The following ZNF385D variants were observed in gnomAD, a reference collection of about 807,000 sequenced individuals.
ZNF385D encodes the protein zinc finger protein 659.
Under a neutral mutation model 35.8 loss-of-function variants are expected in ZNF385D, and 15 were observed. The ratio of observed to expected loss-of-function variants is 0.42; its 90% CI spans 0.28 to 0.64. The LOEUF (loss-of-function observed/expected upper bound fraction) is 0.64, where lower values mean the gene tolerates loss of function less well. ZNF385D is among the 30% of genes least tolerant of loss of function. The probability of loss-of-function intolerance (pLI) is 0.23; values close to 1 mark genes in which losing one functional copy is unlikely to be tolerated. For missense variants in ZNF385D, 474 were observed against 494.6 expected (o/e 0.96, Z 0.39); for synonymous variants, 212 against 186.8 (o/e 1.13, Z -1.10).
At chr3:22,123,422 T>G (rs928396026) in intron 3 of ZNF385D, among the ~76,000 whole-genome samples, 3 of 152,162 alleles carry the variant, frequency 2.0e-5, no homozygotes, top group Non-Finnish European at 2.9e-5. Flanking sequence ...TATAAAATAT[T>G]TTGATACAAG....
At chr3:22,013,653 G>A (rs114073859) in intron 3 of ZNF385D, among the ~76,000 whole-genome samples, 1,800 of 152,244 alleles carry the variant, frequency 0.012, 30 homozygotes, top group African/African-American at 0.041. Context: ...GTGATTAGCT[G>A]AGAATGTCCA....
chr3:21,668,006 G>A (rs1394567054), intron 1 of ZNF385D, among the ~76,000 whole-genome samples: 1 of 152,182 alleles, frequency 6.6e-6, no homozygotes, highest in Admixed American at 6.5e-5. Context: ...CCTGTTGGAA[G>A]AGAGCAATGT....
At chr3:21,963,592 T>G (rs531705516) in intron 3 of ZNF385D, among the ~76,000 whole-genome samples, 1 of 152,168 alleles carries the variant, frequency 6.6e-6, no homozygotes, top group Non-Finnish European at 1.5e-5. Context: ...GAACAAGTTG[T>G]TTCATACTTT....
intron 2 of ZNF385D, among the ~76,000 whole-genome samples, chr3:22,276,295 A>G (rs1214914709): frequency 2.0e-5 from 3 of 152,144 alleles, no homozygotes; most frequent in Non-Finnish European, 4.4e-5. Context: ...CTCTCCTGTA[A>G]GTCTGTCCTT....
intron 3 of ZNF385D, among the ~76,000 whole-genome samples, chr3:21,801,348 G>C (rs886237605): frequency 6.6e-6 from 1 of 152,084 alleles, no homozygotes; most frequent in African/African-American, 2.4e-5. Flanking sequence ...GAATGAGTTA[G>C]GAAGTGTTAG....
chr3:21,973,900 A>G (rs564341022), intron 3 of ZNF385D, among the ~76,000 whole-genome samples: 5 of 152,122 alleles, frequency 3.3e-5, no homozygotes, highest in African/African-American at 1.2e-4. Flanking sequence ...AAACTATAAA[A>G]TATTGATGTA....
intron 2 of ZNF385D, among the ~76,000 whole-genome samples, chr3:22,170,222 C>T (rs1694318999): frequency 6.6e-6 from 1 of 152,150 alleles, no homozygotes; most frequent in Admixed American, 6.6e-5. Flanking sequence ...TGCTATGTGA[C>T]AGCGTCCTCC....
intron 1 of ZNF385D, among the ~76,000 whole-genome samples, chr3:21,725,552 C>T (rs1006468052): frequency 2.0e-5 from 3 of 152,152 alleles, no homozygotes; most frequent in Admixed American, 2.0e-4. Flanking sequence ...ACAGTATAAA[C>T]ACTCCTACAC....
At chr3:22,109,395 A>G (rs1055910336) in intron 3 of ZNF385D, among the ~76,000 whole-genome samples, 1 of 152,214 alleles carries the variant, frequency 6.6e-6, no homozygotes, top group African/African-American at 2.4e-5. Flanking sequence ...ATCACAGCTT[A>G]TAGCTACCAC....
At chr3:22,298,948 C>T (rs1278648916) in intron 2 of ZNF385D, among the ~76,000 whole-genome samples, 2 of 151,944 alleles carry the variant, frequency 1.3e-5, no homozygotes, top group South Asian at 2.1e-4. Flanking sequence ...TATTTGATTC[C>T]AATTAATTCT....
intron 3 of ZNF385D, among the ~76,000 whole-genome samples, chr3:22,095,405 C>T (rs1036023812): frequency 6.6e-6 from 1 of 151,744 alleles, no homozygotes; most frequent in African/African-American, 2.4e-5. Context: ...GTAACTTAGG[C>T]ACTAACTTTC....
At chr3:22,224,369 T>C (rs1163967444) in intron 2 of ZNF385D, among the ~76,000 whole-genome samples, 1 of 152,162 alleles carries the variant, frequency 6.6e-6, no homozygotes, top group Non-Finnish European at 1.5e-5. Context: ...ATGAGTGTTG[T>C]AAATATCTGA....
intron 2 of ZNF385D, among the ~76,000 whole-genome samples, chr3:22,328,420 C>T (rs939454491): frequency 6.6e-6 from 1 of 152,094 alleles, no homozygotes; most frequent in Non-Finnish European, 1.5e-5. Flanking sequence ...ATACATTGAA[C>T]ACCTGCATTA....
At chr3:21,572,057 G>T (rs1403919835) in intron 2 of ZNF385D, among the ~76,000 whole-genome samples, 1 of 152,158 alleles carries the variant, frequency 6.6e-6, no homozygotes, top group African/African-American at 2.4e-5. Flanking sequence ...AGGTTGGGAT[G>T]ACATTACTGG....
At chr3:22,063,096 G>A (rs150145822) in intron 3 of ZNF385D, among the ~76,000 whole-genome samples, 1 of 152,222 alleles carries the variant, frequency 6.6e-6, no homozygotes, top group Middle Eastern at 3.4e-3. Flanking sequence ...AACTAATACA[G>A]AGATATAAGG....
At chr3:21,621,768 T>A (rs151309928) in intron 2 of ZNF385D, among the ~76,000 whole-genome samples, 1 of 151,844 alleles carries the variant, frequency 6.6e-6, no homozygotes, top group African/African-American at 2.4e-5. Flanking sequence ...CTCAAGCACA[T>A]TGGCTGCTCT....
Position 22,316,746 on chromosome 3 carries a change from CA to C in ZNF385D, c.106+55703del, listed in dbSNP as rs1703909952. On this transcript the variant is annotated intron_variant, in intron 2 of 5. Coordinates refer to the ZNF385D transcript ENST00000494108. Reference sequence around the variant, plus strand: ...TCAATTAAATAATGTTTTGTCTACACAGCTACCAAGTCAGCTTTTAGTGTTT... The same window carrying C: ...TCAATTAAATAATGTTTTGTCTACACGCTACCAAGTCAGCTTTTAGTGTTT... Among the ~76,000 whole-genome samples the C allele has an allele frequency of 2.6e-5, 4 of 152,264 alleles. No individual in the cohort carries two copies. In the South Asian group the frequency reaches 8.3e-4, roughly 32 times the overall value.
At chr3:21,931,636 T>C (rs183491628) in intron 3 of ZNF385D, among the ~76,000 whole-genome samples, 27 of 152,142 alleles carry the variant, frequency 1.8e-4, no homozygotes, top group East Asian at 7.8e-4. Context: ...TACTATGCTA[T>C]TGAGAGATGC....
rs114821119 is a variant in ZNF385D at position 22,004,207 on chromosome 3, G to A, written c.325+164610C>T. Among the ~76,000 whole-genome samples, 262 of 152,188 alleles carry A rather than the reference G, an allele frequency of 1.7e-3. 4 individuals carry two copies. Among genetic ancestry groups the A allele is most frequent in the African/African-American group, 5.8e-3 (240 of 41,532 alleles). Reference sequence around the variant, plus strand: ...GAATACATGTTGGGGATAGGATACCGTCTTCAATAAATGGTACTGGGAAAG... The same window carrying A: ...GAATACATGTTGGGGATAGGATACCATCTTCAATAAATGGTACTGGGAAAG... On this transcript the variant is annotated intron_variant, in intron 3 of 5. Transcript: ENST00000494108.
Sources: gnomAD v4.1 joint callset for allele counts (sites outside exome capture counted in the v4.1 genomes callset) on GRCh38, gnomAD v4.1.1 for gene constraint, MANE v1.5 for transcripts, NCBI Gene and HGNC (gene_info 2026-07-23, HGNC 2026-07-21) for gene names.